XKR6: variants seen among roughly 807,000 people sequenced by gnomAD.
XKR6 encodes the protein XK related 6.
XKR6 carries 22 observed loss-of-function variants against 56.7 expected under a neutral mutation model. That is an observed-to-expected ratio of 0.39 (90% confidence interval 0.28 to 0.55). The LOEUF (loss-of-function observed/expected upper bound fraction) is 0.55, where lower values mean the gene tolerates loss of function less well. Ranked by LOEUF, XKR6 falls within the 20% of genes least tolerant of loss-of-function variation. XKR6 has a pLI of 0.66. For missense variants in XKR6, 852 were observed against 889.0 expected (o/e 0.96, Z 0.53); for synonymous variants, 524 against 387.8 (o/e 1.35, Z -4.13).
intron 1 of XKR6, among the ~76,000 whole-genome samples, chr8:11,039,805 C>A (rs1260562501): frequency 6.6e-6 from 1 of 152,204 alleles, no homozygotes. Flanking sequence ...GGCATACAGC[C>A]CCCACCTGAC....
At chr8:11,051,155 A>G (rs1011717437) in intron 1 of XKR6, among the ~76,000 whole-genome samples, 3 of 151,842 alleles carry the variant, frequency 2.0e-5, no homozygotes, top group Admixed American at 2.0e-4. Context: ...AATTCAGTGG[A>G]TCACCCCCCA....
intron 1 of XKR6, among the ~76,000 whole-genome samples, chr8:11,103,347 G>A (rs1022738694): frequency 6.6e-6 from 1 of 151,946 alleles, no homozygotes; most frequent in African/African-American, 2.4e-5. Flanking sequence ...AAACATTCAG[G>A]AGTTCAATCA....
intron 1 of XKR6, among the ~76,000 whole-genome samples, chr8:10,925,566 G>C (rs572017088): frequency 6.6e-6 from 1 of 152,208 alleles, no homozygotes; most frequent in Non-Finnish European, 1.5e-5. Context: ...CCACTCCCGG[G>C]CTCTGTGTGG....
chr8:11,137,185 C>T (rs1207134858), intron 1 of XKR6: 1 of 168,374 alleles, frequency 5.9e-6, no homozygotes, highest in Non-Finnish European at 1.3e-5. Context: ...CATCCATCAT[C>T]ATGCTAAAAC....
intron 1 of XKR6, among the ~76,000 whole-genome samples, chr8:11,121,935 A>G (rs1353051842): frequency 6.6e-6 from 1 of 152,260 alleles, no homozygotes; most frequent in East Asian, 1.9e-4. Context: ...TATCGCCAGG[A>G]CAAAAAACCA....
Position 11,121,313 on chromosome 8 carries a change from T to A in XKR6, c.764+79263A>T, listed in dbSNP as rs965040081. On this transcript the variant is annotated intron_variant, in intron 1 of 2. Transcript: ENST00000416569. ...TCTGACAAACGGCTAATATCCAGAA[T>A]CTACAACGAACTCAAACAAATTTAC... Among the ~76,000 whole-genome samples the A allele has an allele frequency of 3.1e-4, 47 of 152,232 alleles. 1 individual carries two copies. The highest frequency in any genetic ancestry group is 1.1e-3 in the African/African-American group (45 of 41,512).
chr8:10,999,682 A>C (rs973518961), intron 1 of XKR6, among the ~76,000 whole-genome samples: 9 of 152,214 alleles, frequency 5.9e-5, no homozygotes, highest in African/African-American at 2.2e-4. Context: ...AGCTACCAAA[A>C]TAAAAGTTCC....
chr8:11,033,706 G>A (rs148007698), intron 1 of XKR6, among the ~76,000 whole-genome samples: 348 of 152,146 alleles, frequency 2.3e-3, no homozygotes, highest in African/African-American at 7.8e-3. Flanking sequence ...AAACAGAGTC[G>A]CTCAAAGGGT....
At chr8:11,140,103 C>A (rs754594380) in intron 1 of XKR6, among the ~76,000 whole-genome samples, 18 of 149,558 alleles carry the variant, frequency 1.2e-4, no homozygotes, top group Admixed American at 8.0e-4. Context: ...GAGAAACAGG[C>A]GGCTCGAAGA....
intron 1 of XKR6, among the ~76,000 whole-genome samples, chr8:11,089,680 G>C (rs540588473): frequency 6.6e-6 from 1 of 151,944 alleles, no homozygotes; most frequent in Non-Finnish European, 1.5e-5. Flanking sequence ...ATAAATAAAA[G>C]GTAATAATAT....
chr8:10,951,673 C>T lies in XKR6; in HGVS notation c.765-26843G>A, dbSNP rs77931220. 7.8e-3 allele frequency among the ~76,000 whole-genome samples: 1,188 copies of T among 152,300 alleles called. 22 individuals are homozygous for T. Among genetic ancestry groups the T allele is most frequent in the African/African-American group, 0.027 (1,140 of 41,562 alleles). ...TTCTGCTGCAGAGTCTCATCTTCCC[C>T]TGGGAGTGGGGATCTGGGAGGCGCT... On this transcript the variant is annotated intron_variant, in intron 1 of 2. Coordinates refer to ENST00000416569, the MANE Select transcript of XKR6 (RefSeq NM_173683.4).
chr8:11,144,212 T>C (rs1423122985), intron 1 of XKR6, among the ~76,000 whole-genome samples: 1 of 117,414 alleles, frequency 8.5e-6, no homozygotes, highest in East Asian at 2.3e-4. Context: ...GTAGTTTTGT[T>C]TTAAATAAAA....
At chr8:11,167,018 G>T (rs867834385) in intron 1 of XKR6, among the ~76,000 whole-genome samples, 4 of 152,340 alleles carry the variant, frequency 2.6e-5, no homozygotes, top group African/African-American at 9.6e-5. Flanking sequence ...CCTGCAGCGT[G>T]TGTGGCGGTG....
At chr8:10,969,064 G>A (rs1802318132) in intron 1 of XKR6, among the ~76,000 whole-genome samples, 1 of 152,224 alleles carries the variant, frequency 6.6e-6, no homozygotes, top group Admixed American at 6.5e-5. Flanking sequence ...CTAAACTTGA[G>A]TGCGCCAGAA....
chr8:10,992,874 C>T lies in XKR6; in HGVS notation c.765-68044G>A, dbSNP rs1254770308. Among the ~76,000 whole-genome samples, 5 of 152,176 alleles carry T rather than the reference C, an allele frequency of 3.3e-5. No individual in the cohort carries two copies. In the East Asian group the frequency reaches 5.8e-4, roughly 18 times the overall value. ...CCAAATGGATGTCTCCATGATCTCA[C>T]GAAGTTCCCGAATGGTGCTAACCAA... is the stretch of plus-strand genomic sequence containing the variant. On this transcript the variant is annotated intron_variant, in intron 1 of 2. Coordinates refer to ENST00000416569, the MANE Select transcript of XKR6 (RefSeq NM_173683.4).
chr8:10,925,352 G>T (rs1396312462), intron 1 of XKR6, among the ~76,000 whole-genome samples: 1 of 152,214 alleles, frequency 6.6e-6, no homozygotes, highest in African/African-American at 2.4e-5. Context: ...GTTCTCACAT[G>T]ATACAGACAG....
intron 1 of XKR6, among the ~76,000 whole-genome samples, chr8:11,085,743 T>A (rs1797864454): frequency 6.6e-6 from 1 of 152,166 alleles, no homozygotes; most frequent in South Asian, 2.1e-4. Flanking sequence ...TTTCAGACCG[T>A]CAGCATGGCC....
chr8:10,939,727 C>G (rs911106130), intron 1 of XKR6, among the ~76,000 whole-genome samples: 1 of 152,208 alleles, frequency 6.6e-6, no homozygotes, highest in Non-Finnish European at 1.5e-5. Flanking sequence ...GCTCTGCTTT[C>G]GACCAGAGAC....
chr8:11,075,375 G>C (rs902330074), intron 1 of XKR6, among the ~76,000 whole-genome samples: 1 of 152,140 alleles, frequency 6.6e-6, no homozygotes, highest in Non-Finnish European at 1.5e-5. Context: ...TCCTTCCAGG[G>C]TTAGGGGTTG....
Sources: gnomAD v4.1 joint callset for allele counts (sites outside exome capture counted in the v4.1 genomes callset) on GRCh38, gnomAD v4.1.1 for gene constraint, MANE v1.5 for transcripts, NCBI Gene and HGNC (gene_info 2026-07-23, HGNC 2026-07-21) for gene names.